The following KLHDC1 variants were observed in gnomAD, a reference collection of about 807,000 sequenced individuals.
KLHDC1 encodes the protein kelch domain-containing protein 1.
In KLHDC1, 53 loss-of-function variants were observed where a neutral mutation model predicts 68.3. The ratio of observed to expected loss-of-function variants is 0.78; its 90% CI spans 0.62 to 0.98. The LOEUF (loss-of-function observed/expected upper bound fraction) is 0.98. Ranked by LOEUF, KLHDC1 falls within the 50% of genes least tolerant of loss-of-function variation. The probability of loss-of-function intolerance (pLI) is 0.00; values close to 1 mark genes in which losing one functional copy is unlikely to be tolerated. For synonymous variants in KLHDC1, 148 were observed against 159.0 expected, an observed-to-expected ratio of 0.93 and a Z score of 0.52; for missense variants, 470 against 492.3, an observed-to-expected ratio of 0.95 and a Z score of 0.43.
intron 7 of KLHDC1, 97 bp from the exon 8 acceptor site, chr14:49,729,391 TAG>T (rs1387899768): frequency 4.0e-6 from 3 of 754,238 alleles, no homozygotes; most frequent in Non-Finnish European, 7.0e-6. Context: ...TGAAGTAAAA[TAG>T]AGATAGTCTA....
intron 1 of KLHDC1, among the ~76,000 whole-genome samples, chr14:49,705,878 G>T (rs527842102): frequency 6.6e-6 from 1 of 152,140 alleles, no homozygotes; most frequent in East Asian, 1.9e-4. Flanking sequence ...TACATAGTAG[G>T]TGTATATATT....
chr14:49,716,767 G>A (rs946503508), intron 4 of KLHDC1, among the ~76,000 whole-genome samples: 4 of 151,920 alleles, frequency 2.6e-5, no homozygotes, highest in African/African-American at 4.8e-5. Context: ...CAATTCAGTG[G>A]CATTAATTAC....
At chr14:49,737,948 T>C (rs940127023) in intron 10 of KLHDC1, among the ~76,000 whole-genome samples, 5 of 151,728 alleles carry the variant, frequency 3.3e-5, no homozygotes, top group African/African-American at 4.8e-5. Context: ...TAATTTACCC[T>C]CTAAAATTGG....
intron 1 of KLHDC1, among the ~76,000 whole-genome samples, chr14:49,705,869 A>T (rs1737169437): frequency 6.6e-6 from 1 of 152,158 alleles, no homozygotes; most frequent in African/African-American, 2.4e-5. Context: ...TTTTGTGGGT[A>T]CATAGTAGGT....
chr14:49,750,858 G>A (rs1054058817), intron 12 of KLHDC1, among the ~76,000 whole-genome samples: 1 of 152,160 alleles, frequency 6.6e-6, no homozygotes, highest in Non-Finnish European at 1.5e-5. Context: ...AGAAACCCAA[G>A]TGGTCTCTTG....
chr14:49,747,323 AT>A (rs1268894034), intron 12 of KLHDC1, among the ~76,000 whole-genome samples: 1 of 152,064 alleles, frequency 6.6e-6, no homozygotes, highest in Non-Finnish European at 1.5e-5. Context: ...CTTCTCCACC[AT>A]TTCTCTGTTA....
At chr14:49,705,667 C>G (rs1294938260) in intron 1 of KLHDC1, among the ~76,000 whole-genome samples, 1 of 151,950 alleles carries the variant, frequency 6.6e-6, no homozygotes, top group Non-Finnish European at 1.5e-5. Flanking sequence ...CTGTGCCCAG[C>G]CTATAATATT....
chr14:49,725,895 T>C, intron 6 of KLHDC1, 126 bp downstream of exon 6: 1 of 532,548 alleles, frequency 1.9e-6, no homozygotes, highest in East Asian at 3.3e-5. Flanking sequence ...TTGCCCAGGC[T>C]GGAGTACAGT....
chr14:49,724,442 A>C (rs533101887), intron 5 of KLHDC1, among the ~76,000 whole-genome samples: 5 of 152,154 alleles, frequency 3.3e-5, no homozygotes, highest in Non-Finnish European at 7.3e-5. Context: ...TGAAATTTTT[A>C]AACAGATAAT....
In KLHDC1 at chr14:49,709,240, T is replaced by A. The variant is rs1269976302; in HGVS notation, c.167+11T>A. ...TGATAGTGGGTTGTGGTAAGTAATT[T>A]TAAATTGCATACTGTCTGATCTTAA... On this transcript the variant is annotated intron_variant, in intron 2 of 12. Coordinates refer to ENST00000359332, the MANE Select transcript of KLHDC1 (RefSeq NM_172193.3). The A allele has an allele frequency of 1.7e-6, 2 of 1,143,046 alleles. No homozygotes were observed. Among genetic ancestry groups the A allele is most frequent in the Non-Finnish European group, 2.6e-6 (2 of 774,630 alleles). The allele number at this position is 1,143,046 out of a possible 1,614,324, so 70.8% of individuals were successfully genotyped here.
At chr14:49,696,086 C>A (rs922780170) in intron 1 of KLHDC1, among the ~76,000 whole-genome samples, 1 of 149,138 alleles carries the variant, frequency 6.7e-6, no homozygotes, top group Non-Finnish European at 1.5e-5. Flanking sequence ...AAAAAAAAAT[C>A]TATTGTTTAG....
intron 11 of KLHDC1, among the ~76,000 whole-genome samples, chr14:49,741,525 T>C (rs1293741123): frequency 6.6e-6 from 1 of 152,060 alleles, no homozygotes; most frequent in African/African-American, 2.4e-5. Context: ...CAGGCTGGTC[T>C]TGAACTCCTG....
chr14:49,751,976 C>A lies in KLHDC1; in HGVS notation c.*204C>A, dbSNP rs914974735. ...TTATATTTGTAAACAAATTTCCTTA[C>A]AAACTGCAGAACAAATATTCTTTCT... On this transcript the variant is annotated 3_prime_UTR_variant, in exon 13 of 13. Transcript: ENST00000359332. 4.0e-5 allele frequency: 12 copies of A among 297,984 alleles called. No homozygotes were observed. The highest frequency in any genetic ancestry group is 2.4e-4 in the African/African-American group (11 of 46,262). 18.5% of individuals were successfully genotyped at this position (297,984 alleles called of 1,614,324 possible). A position where few individuals can be genotyped will look rare whatever the true frequency, so the allele number is the denominator to read the frequency against.
chr14:49,721,841 C>T (rs558429994), intron 4 of KLHDC1, among the ~76,000 whole-genome samples: 3 of 152,142 alleles, frequency 2.0e-5, no homozygotes, highest in Non-Finnish European at 2.9e-5. Context: ...CCACTTTATG[C>T]TTTCTGCACC....
chr14:49,709,345 C>T (rs1888138853), intron 2 of KLHDC1, 116 bp downstream of exon 2: 2 of 512,908 alleles, frequency 3.9e-6, no homozygotes, highest in South Asian at 6.8e-5. Context: ...TTGAAGTCTC[C>T]CTTTCCTTTC....
At chr14:49,738,180 A>T (rs1888976729) in intron 10 of KLHDC1, among the ~76,000 whole-genome samples, 1 of 151,898 alleles carries the variant, frequency 6.6e-6, no homozygotes, top group African/African-American at 2.4e-5. Context: ...GGCGAAAATT[A>T]TTATTTGTTA....
chr14:49,693,825 C>T (rs922133655), intron 1 of KLHDC1, among the ~76,000 whole-genome samples: 1 of 139,366 alleles, frequency 7.2e-6, no homozygotes, highest in African/African-American at 2.6e-5. Context: ...CTCAGCTCAC[C>T]GCAACCTCCG....
intron 5 of KLHDC1, chr14:49,725,485 A>T (rs1888644899): frequency 4.6e-6 from 2 of 434,806 alleles, no homozygotes; most frequent in Admixed American, 8.2e-5. Context: ...ATGAGAAGAA[A>T]AGTTGCCAGG....
At chr14:49,723,844 A>C in intron 4 of KLHDC1, 30 bp from the exon 5 acceptor site, 5 of 1,309,466 alleles carry the variant, frequency 3.8e-6, no homozygotes, top group Non-Finnish European at 5.4e-6. Flanking sequence ...CAGAATTCCT[A>C]AAGTGTGTCA....
Sources: gnomAD v4.1 joint callset for allele counts (sites outside exome capture counted in the v4.1 genomes callset) on GRCh38, gnomAD v4.1.1 for gene constraint, MANE v1.5 for transcripts, NCBI Gene and HGNC (gene_info 2026-07-23, HGNC 2026-07-21) for gene names.